The following LEO1 variants were observed in gnomAD, a reference collection of about 807,000 sequenced individuals.
LEO1 encodes RNA polymerase-associated protein LEO1.
A neutral mutation model predicts 80.4 loss-of-function variants in LEO1; 34 were observed. That is an observed-to-expected ratio of 0.42 (90% CI 0.32 to 0.56). LEO1 has a LOEUF of 0.56. LEO1 is among the 20% of genes least tolerant of loss of function. The pLI is 0.10. For missense variants in LEO1, 631 were observed against 814.2 expected, an observed-to-expected ratio of 0.77 and a Z score of 2.74; for synonymous variants, 262 against 274.9, an observed-to-expected ratio of 0.95 and a Z score of 0.46.
At chr15:51,944,960 A>G (rs1011817749) in intron 11 of LEO1, among the ~76,000 whole-genome samples, 3 of 152,146 alleles carry the variant, frequency 2.0e-5, no homozygotes, top group Non-Finnish European at 2.9e-5. Context: ...CAGCTCTGCT[A>G]TGCTACCTTG....
intron 4 of LEO1, among the ~76,000 whole-genome samples, chr15:51,960,363 T>C (rs1477593829): frequency 6.6e-6 from 1 of 152,206 alleles, no homozygotes; most frequent in Non-Finnish European, 1.5e-5. Context: ...CAGACACTTC[T>C]TGGCATGAGC....
chr15:51,959,856 T>C, intron 5 of LEO1, 43 bp downstream of exon 5: 2 of 1,505,480 alleles, frequency 1.3e-6, no homozygotes, highest in Non-Finnish European at 1.8e-6. Flanking sequence ...ATTCTATGTA[T>C]TTCTACTCAA....
intron 10 of LEO1, among the ~76,000 whole-genome samples, chr15:51,948,451 G>A (rs1016414001): frequency 6.6e-5 from 10 of 152,156 alleles, no homozygotes; most frequent in Non-Finnish European, 1.2e-4. Context: ...AAGGGTCTCT[G>A]TACTGTGGTC....
chr15:51,950,263 G>A (rs143151271), intron 9 of LEO1, among the ~76,000 whole-genome samples: 122 of 152,292 alleles, frequency 8.0e-4, no homozygotes, highest in African/African-American at 2.8e-3. Context: ...GAGCTGTGCT[G>A]GTGTTCTGTG....
chr15:51,940,578 T>C, intron 11 of LEO1, among the ~76,000 whole-genome samples: 1 of 148,142 alleles, frequency 6.8e-6, no homozygotes, highest in Non-Finnish European at 1.5e-5. Flanking sequence ...AAAAAAGGCC[T>C]GCCAAGGACT....
intron 1 of LEO1, among the ~76,000 whole-genome samples, chr15:51,971,072 C>T (rs1202927852): frequency 6.6e-6 from 1 of 152,204 alleles, no homozygotes; most frequent in Non-Finnish European, 1.5e-5. Flanking sequence ...TCTCTGTACA[C>T]AGACCCCATG....
chr15:51,962,914 A>G (rs2057042695), intron 2 of LEO1, among the ~76,000 whole-genome samples: 1 of 136,720 alleles, frequency 7.3e-6, no homozygotes, highest in South Asian at 2.2e-4. Flanking sequence ...AGAGCTGTAC[A>G]TGCAGAACAT....
At chr15:51,948,684 G>C (rs1224691249) in intron 10 of LEO1, among the ~76,000 whole-genome samples, 1 of 152,134 alleles carries the variant, frequency 6.6e-6, no homozygotes, top group African/African-American at 2.4e-5. Context: ...TTATTAATAG[G>C]TTGTTTTTGT....
At chr15:51,951,755 C>CA in intron 9 of LEO1, 89 bp downstream of exon 9, 1 of 1,169,018 alleles carries the variant, frequency 8.6e-7, no homozygotes, top group Non-Finnish European at 1.2e-6. Context: ...AAAGGTAGGC[C>CA]AATAAGAGAT....
At chr15:51,960,246 C>A (rs1214767792) in intron 4 of LEO1, among the ~76,000 whole-genome samples, 1 of 152,198 alleles carries the variant, frequency 6.6e-6, no homozygotes, top group African/African-American at 2.4e-5. Context: ...AAAAAACTAT[C>A]TCCTTTATGA....
In LEO1 at chr15:51,951,249, A is replaced by G. The variant is rs561250549; in HGVS notation, c.1611+595T>C. Among the ~76,000 whole-genome samples, 4 of 152,374 alleles carry G rather than the reference A, an allele frequency of 2.6e-5. 1 individual carries two copies. In the South Asian group the frequency reaches 8.3e-4, roughly 32 times the overall value. On this transcript the variant is annotated intron_variant, in intron 9 of 11. Coordinates refer to ENST00000299601, the MANE Select transcript of LEO1 (RefSeq NM_138792.4). ...AGAGGAGAAATGATGAGCCTGTACTACTGCATATGGCTTCTCAAATCAAGT... is the reference window on the plus strand; with the variant it reads ...AGAGGAGAAATGATGAGCCTGTACTGCTGCATATGGCTTCTCAAATCAAGT...
In LEO1 at chr15:51,966,277, G is replaced by T; in HGVS notation, c.286C>A (p.His96Asn). The T allele has an allele frequency of 6.2e-7, 1 of 1,614,038 alleles. No individual in the cohort carries two copies. Among genetic ancestry groups the T allele is most frequent in the Non-Finnish European group, 8.5e-7 (1 of 1,179,998 alleles). Residue 96 changes from histidine (H) to asparagine (N), a missense_variant, in exon 2 of 12, where the codon CAT (histidine) becomes AAT (asparagine). Around this residue, in one of 4 missense-constraint regions of LEO1, gnomAD observed 394 missense variants for 395.6 expected, o/e 1.00. Coordinates refer to ENST00000299601, the MANE Select transcript of LEO1 (RefSeq NM_138792.4). ...ACATCTGAGGGGTCATTGTCCTCAT[G>T]GTCAGAACGCTCAGAAGCTTCTGAT... ...NRSEASERSD[H>N]EDNDPSDVDQ...
At chr15:51,966,867 A>T (rs1338990610) in intron 1 of LEO1, among the ~76,000 whole-genome samples, 1 of 151,938 alleles carries the variant, frequency 6.6e-6, no homozygotes, top group East Asian at 1.9e-4. Context: ...GCGGAGATCA[A>T]GCCACTGCAC....
chr15:51,947,191 G>T, intron 11 of LEO1, 101 bp downstream of exon 11: 1 of 785,994 alleles, frequency 1.3e-6, no homozygotes. Context: ...GACGTGTGTA[G>T]ACAACTAATT....
At chr15:51,954,736 G>C (rs1012518662) in intron 6 of LEO1, 161 bp from the exon 7 acceptor site, 9 of 587,074 alleles carry the variant, frequency 1.5e-5, no homozygotes, top group Non-Finnish European at 2.1e-5. Context: ...TAATCACCTA[G>C]AGAGGTTGGA....
chr15:51,943,831 CTG>C (rs1387741882), intron 11 of LEO1, among the ~76,000 whole-genome samples: 1 of 141,816 alleles, frequency 7.1e-6, no homozygotes, highest in African/African-American at 2.6e-5. Flanking sequence ...GAAAGGGTAA[CTG>C]AAATGAAATG....
rs572759514 is a variant in LEO1, at chr15:51,964,687, T to C, written c.814+1062A>G. ...ACACCAAGATGTGGTTTCTGAATCC[T>C]GTCCTGTGAGGTGTGTGTTAGATGC... On this transcript the variant is annotated intron_variant, in intron 2 of 11. Transcript: ENST00000299601. Among the ~76,000 whole-genome samples, 254 of 152,184 alleles carry C rather than the reference T, an allele frequency of 1.7e-3. 1 individual carries two copies. The highest frequency in any genetic ancestry group is 2.8e-3 in the Non-Finnish European group (189 of 68,040).
intron 10 of LEO1, 93 bp downstream of exon 10, chr15:51,949,715 A>AT: frequency 8.7e-7 from 1 of 1,146,884 alleles, no homozygotes; most frequent in Non-Finnish European, 1.2e-6. Flanking sequence ...AAAAAAAAAA[A>AT]AGTCCAGTGA....
At chr15:51,944,205 A>G (rs1402026327) in intron 11 of LEO1, among the ~76,000 whole-genome samples, 6 of 152,206 alleles carry the variant, frequency 3.9e-5, no homozygotes, top group Admixed American at 3.9e-4. Context: ...GAAAGCAGCT[A>G]GAGAAAAATG....
Sources: allele counts gnomAD v4.1 joint callset (sites outside exome capture counted in the v4.1 genomes callset), GRCh38; gene constraint gnomAD v4.1.1; regional missense constraint gnomAD v4.1.1; transcripts MANE v1.5; gene names NCBI Gene and HGNC (gene_info 2026-07-23, HGNC 2026-07-21).